The following FREM1 variants were observed in gnomAD, a reference collection of about 807,000 sequenced individuals.
The protein encoded by FREM1 is FRAS1 related extracellular matrix 1.
A neutral mutation model predicts 210.1 loss-of-function variants in FREM1; 220 were observed. That is an observed-to-expected ratio of 1.05 (90% CI 0.94 to 1.17). The LOEUF (loss-of-function observed/expected upper bound fraction) is 1.17, where lower values mean the gene tolerates loss of function less well. Among genes scored for constraint, FREM1 ranks in the 50% most tolerant of loss-of-function variants. The pLI, the probability that FREM1 is intolerant of heterozygous loss-of-function variation, is 0.00. For missense variants in FREM1, 3,454 were observed against 2,675.5 expected, an observed-to-expected ratio of 1.29 and a Z score of -6.42; for synonymous variants, 1,189 against 980.2, an observed-to-expected ratio of 1.21 and a Z score of -3.98.
rs369703203 is a variant in FREM1 at position 14,776,066 on chromosome 9, G to T, written c.4580C>A (p.Pro1527His). 277 of 1,613,568 alleles carry T rather than the reference G, an allele frequency of 1.7e-4. No individual in the cohort carries two copies. The highest frequency in any genetic ancestry group is 2.2e-4 in the Non-Finnish European group (259 of 1,179,588). ...AGGGTCGGTCAGCTGAAGGAGGTCA[G>T]GGGAAAGCAGGCCCACGGCCCCTTG... ...LAQGAVGLLS[P>H]DLLQLTDPDT... Residue 1527 changes from proline to histidine, a missense_variant, in exon 25 of 37, where the codon CCT becomes CAT. Physicochemically the swap from Pro to His is moderately conservative, Grantham distance 77 (BLOSUM62 -2). Transcript: ENST00000380880.
At chr9:14,876,283 G>A (rs1166654412) in intron 1 of FREM1, among the ~76,000 whole-genome samples, 4 of 152,216 alleles carry the variant, frequency 2.6e-5, no homozygotes, top group Non-Finnish European at 5.9e-5. Flanking sequence ...CCCCAGAGGT[G>A]GAGCCTACAG....
intron 24 of FREM1, among the ~76,000 whole-genome samples, chr9:14,778,797 C>T (rs1018709574): frequency 2.0e-5 from 3 of 147,502 alleles, no homozygotes; most frequent in African/African-American, 7.5e-5. Flanking sequence ...AGCTTGGACA[C>T]TCTGGGAGGC....
chr9:14,904,211 A>C (rs1817288641), intron 1 of FREM1, among the ~76,000 whole-genome samples: 1 of 151,934 alleles, frequency 6.6e-6, no homozygotes, highest in Non-Finnish European at 1.5e-5. Flanking sequence ...AACAAAAAAG[A>C]GAGGTTAGGG....
chr9:14,747,052 C>A lies in FREM1; in HGVS notation c.6010-1G>T. The A allele has an allele frequency of 1.2e-6, 2 of 1,613,058 alleles. No individual in the cohort carries two copies. The highest frequency in any genetic ancestry group is 1.7e-6 in the Non-Finnish European group (2 of 1,179,508). On this transcript the variant is annotated splice_acceptor_variant, in intron 33 of 36. Coordinates refer to ENST00000380880, the MANE Select transcript of FREM1 (RefSeq NM_001379081.2). LOFTEE classifies it high-confidence loss of function. ...TCTTTGGAAATGAGGGCAACTGGTCCTTTGGGAAGGAAAGGCAATTTAGCA... is the reference window on the plus strand; with the variant it reads ...TCTTTGGAAATGAGGGCAACTGGTCATTTGGGAAGGAAAGGCAATTTAGCA...
At chr9:14,900,692 A>T (rs190103665) in intron 1 of FREM1, among the ~76,000 whole-genome samples, 87 of 152,318 alleles carry the variant, frequency 5.7e-4, no homozygotes, top group African/African-American at 2.0e-3. Context: ...CAAACGTTTC[A>T]TTGGCAGCCT....
chr9:14,842,270 G>A, intron 9 of FREM1, 46 bp downstream of exon 9: 2 of 1,234,830 alleles, frequency 1.6e-6, no homozygotes, highest in East Asian at 2.3e-5. Flanking sequence ...GGTTCTCTAT[G>A]GAAGAGTGAA....
rs1393006839 is a variant in FREM1 at position 14,851,555 on chromosome 9, A to C, written c.881T>G (p.Ile294Ser). The change falls in exon 6 of 37, where the codon ATT (isoleucine) becomes AGT (serine). Residue 294 changes from isoleucine (I) to serine (S), a missense_variant. Physicochemically the swap from Ile to Ser is moderately radical, Grantham distance 142 (BLOSUM62 -2). Transcript: ENST00000380880. ...CACGGCCATGAATGCAGCCTTTGGAATCTGATTCGGAATTCCAGCTCTGAT... is the reference window on the plus strand; with the variant it reads ...CACGGCCATGAATGCAGCCTTTGGACTCTGATTCGGAATTCCAGCTCTGAT... ...VYIRAGIPNQ[I>S]PKAAFMAVFI... 1 of 1,613,882 alleles carries C rather than the reference A, an allele frequency of 6.2e-7. No homozygotes were observed. The highest frequency in any genetic ancestry group is 1.3e-5 in the African/African-American group (1 of 74,936).
rs1440605159 is a variant in FREM1 at position 14,861,287 on chromosome 9, A to T, written c.330-1803T>A. ...CATATACACATATATACATATATACATATATACATATATACACATATATAC... is the reference window on the plus strand; with the variant it reads ...CATATACACATATATACATATATACTTATATACATATATACACATATATAC... On this transcript the variant is annotated intron_variant, in intron 3 of 36. Transcript: ENST00000380880. Among the ~76,000 whole-genome samples the T allele has an allele frequency of 2.5e-5, 2 of 79,932 alleles. 1 individual carries two copies. Among genetic ancestry groups the T allele is most frequent in the Non-Finnish European group, 4.4e-5 (2 of 45,382 alleles). 52.4% of individuals were successfully genotyped at this position (79,932 alleles called of 152,430 possible). A position where few individuals can be genotyped will look rare whatever the true frequency, so the allele number is the denominator to read the frequency against.
chr9:14,839,749 C>CG (rs1465084109), intron 10 of FREM1, among the ~76,000 whole-genome samples: 1 of 152,102 alleles, frequency 6.6e-6, no homozygotes, highest in African/African-American at 2.4e-5. Flanking sequence ...AAAAAGAAGT[C>CG]CTGAATTTTT....
intron 14 of FREM1, among the ~76,000 whole-genome samples, chr9:14,818,059 T>C (rs1307923023): frequency 6.6e-6 from 1 of 152,220 alleles, no homozygotes; most frequent in Non-Finnish European, 1.5e-5. Flanking sequence ...GGCAAATTCC[T>C]CAATCTCTTT....
chr9:14,906,035 T>G (rs1345067918), intron 1 of FREM1, among the ~76,000 whole-genome samples: 1 of 152,372 alleles, frequency 6.6e-6, no homozygotes, highest in South Asian at 2.1e-4. Flanking sequence ...TTCTCTTTTC[T>G]TTTCATCTAT....
chr9:14,897,059 T>A (rs926790131), intron 1 of FREM1, among the ~76,000 whole-genome samples: 3 of 152,158 alleles, frequency 2.0e-5, no homozygotes, highest in African/African-American at 7.2e-5. Context: ...TTATGGTAAA[T>A]GACAAAAAGT....
intron 24 of FREM1, among the ~76,000 whole-genome samples, chr9:14,780,500 C>G (rs2132761991): frequency 6.7e-6 from 1 of 149,678 alleles, no homozygotes; most frequent in South Asian, 2.1e-4. Context: ...CTTTTAGTAC[C>G]CGGCTGCCAG....
chr9:14,861,264 T>A lies in FREM1; in HGVS notation c.330-1780A>T, dbSNP rs555893603. ...ACACACATATATACATATATACACA[T>A]ATACACATATATACATATATACATA... On this transcript the variant is annotated intron_variant, in intron 3 of 36. Transcript: ENST00000380880. Among the ~76,000 whole-genome samples the A allele has an allele frequency of 1.6e-4, 15 of 92,890 alleles. 5 individuals are homozygous for A. The highest frequency in any genetic ancestry group is 2.2e-4 in the Non-Finnish European group (12 of 55,266). 60.9% of individuals were successfully genotyped at this position (92,890 alleles called of 152,430 possible).
chr9:14,767,606 T>C (rs1273345962), intron 27 of FREM1, among the ~76,000 whole-genome samples: 2 of 152,206 alleles, frequency 1.3e-5, no homozygotes, highest in East Asian at 3.9e-4. Flanking sequence ...TAATTTATAT[T>C]GTACCTGTAA....
At position 14,806,844 on chromosome 9, in the gene FREM1, G is replaced by T. The variant is rs756971174; in HGVS notation, c.3091C>A (p.Pro1031Thr). The T allele has an allele frequency of 6.3e-7, 1 of 1,588,636 alleles. No homozygotes were observed. The highest frequency in any genetic ancestry group is 2.2e-5 in the East Asian group (1 of 44,522). The change falls in exon 18 of 37, where the codon CCC becomes ACC. Residue 1031 changes from proline (P) to threonine (T), a missense_variant and splice_region_variant. By Grantham distance (38) the Pro-to-Thr change is conservative (BLOSUM62 -1). Transcript: ENST00000380880. ...CAGCCCTCATCTACAACAAACACGG[G>T]ACCTGCATACAAATAAAAACACAAT... is the stretch of plus-strand genomic sequence containing the variant. ...DNQPPSIAIG[P>T]VFVVDEGCST...
At chr9:14,737,709 A>G in intron 36 of FREM1, 114 bp from the exon 37 acceptor site, 7 of 808,354 alleles carry the variant, frequency 8.7e-6, no homozygotes, top group Non-Finnish European at 1.3e-5. Flanking sequence ...CCCAGGTTCT[A>G]AAACAAGGGA....
At chr9:14,762,014 T>C (rs538045477) in intron 27 of FREM1, among the ~76,000 whole-genome samples, 5 of 152,162 alleles carry the variant, frequency 3.3e-5, no homozygotes, top group Admixed American at 6.5e-5. Context: ...ACAGTGTACA[T>C]AGGGTTCAAT....
chr9:14,853,426 C>A (rs1008493534), intron 5 of FREM1, among the ~76,000 whole-genome samples: 1 of 152,144 alleles, frequency 6.6e-6, no homozygotes, highest in Non-Finnish European at 1.5e-5. Flanking sequence ...TGCAAGTGAT[C>A]ACTCAGGTTA....
Sources: gnomAD v4.1 joint callset for allele counts (sites outside exome capture counted in the v4.1 genomes callset) on GRCh38, gnomAD v4.1.1 for gene constraint, MANE v1.5 for transcripts, NCBI Gene and HGNC (gene_info 2026-07-23, HGNC 2026-07-21) for gene names.